CHAT: variants seen among roughly 807,000 people sequenced by gnomAD.
CHAT encodes acetyl CoA:choline O-acetyltransferase.
A neutral mutation model predicts 76.9 loss-of-function variants in CHAT; 61 were observed. That is an observed-to-expected ratio of 0.79 (90% CI 0.65 to 0.98). The LOEUF is 0.98. Ranked by LOEUF, CHAT falls within the 50% of genes least tolerant of loss-of-function variation. CHAT has a pLI of 0.00. For synonymous variants in CHAT, 407 were observed against 397.4 expected, an observed-to-expected ratio of 1.02 and a Z score of -0.29; for missense variants, 946 against 986.9, an observed-to-expected ratio of 0.96 and a Z score of 0.56.
chr10:49,663,097 G>A (rs1156382882), intron 14 of CHAT, among the ~76,000 whole-genome samples: 1 of 152,110 alleles, frequency 6.6e-6, no homozygotes, highest in Non-Finnish European at 1.5e-5. Context: ...GGGCATGGTG[G>A]TGCGTGCCTG....
At chr10:49,624,842 G>T (rs1838859365) in intron 5 of CHAT, among the ~76,000 whole-genome samples, 1 of 151,970 alleles carries the variant, frequency 6.6e-6, no homozygotes, top group Non-Finnish European at 1.5e-5. Flanking sequence ...GGATGGATGG[G>T]TGGATGCAAG....
intron 1 of CHAT, among the ~76,000 whole-genome samples, chr10:49,615,213 G>C (rs1386470792): frequency 6.6e-6 from 1 of 152,180 alleles, no homozygotes; most frequent in Non-Finnish European, 1.5e-5. Context: ...TGCATGGTCT[G>C]TAGGGCCTTT....
At position 49,622,202 on chromosome 10, in the gene CHAT, A is replaced by G. The variant is rs769333829; in HGVS notation, c.752+52A>G. The G allele has an allele frequency of 1.1e-5, 18 of 1,574,684 alleles. 1 individual carries two copies. The Middle Eastern group carries it at 6.7e-4, about 58-fold the overall frequency. On this transcript the variant is annotated intron_variant, in intron 5 of 14. Transcript: ENST00000337653. ...TCCAGCACAGTCTGCCTATGCGTCT[A>G]TCTCCCTTGCAGGGACCTTGTCTTT...
chr10:49,647,740 TTTCCTTCC>T (rs146751288), intron 8 of CHAT, among the ~76,000 whole-genome samples: 5,328 of 140,236 alleles, frequency 0.038, 250 homozygotes, highest in Admixed American at 0.079. Context: ...AAGACACCGC[TTTCCTTCC>T]TTCCTTCCTT....
Position 49,614,393 on chromosome 10 carries a change from AC to A in CHAT, c.208del (p.Leu70PhefsTer130), listed in dbSNP as rs1838400244. ...ACCCCCGCGCTGCGACACGCCCCCC[AC>A]CCCTTCCGGCTCACACCCCCGCCCA... ...PHPRAATRPP[P>X]LPAHTPAHTP... On this transcript the variant is annotated frameshift_variant, in exon 1 of 15. Transcript: ENST00000337653. LOFTEE classifies it high-confidence loss of function. 3 of 1,524,550 alleles carry A rather than the reference AC, an allele frequency of 2.0e-6. No homozygotes were observed. Among genetic ancestry groups the A allele is most frequent in the Non-Finnish European group, 2.7e-6 (3 of 1,126,494 alleles). 94.4% of individuals were successfully genotyped at this position (1,524,550 alleles called of 1,614,324 possible).
At chr10:49,611,182 C>T (rs201839613), upstream of CHAT, 112 of 1,614,056 alleles carry the variant, frequency 6.9e-5, 1 homozygote, top group Admixed American at 6.7e-4. Context: ...CTTCATCGAC[C>T]GCATGAGCTA....
intron 7 of CHAT, among the ~76,000 whole-genome samples, chr10:49,631,932 G>A (rs1839136567): frequency 6.6e-6 from 1 of 150,736 alleles, no homozygotes; most frequent in South Asian, 2.1e-4. Context: ...GAAGATATTG[G>A]CGCAGCACAG....
chr10:49,625,385 A>G lies in CHAT; in HGVS notation c.753-88A>G, dbSNP rs572025131. The stretch of plus-strand genomic sequence containing the variant: ...TGGGTTCTGTGCCCCATTTTGCCTG[A>G]TCAAGTTACAATAAAACCCATTCTC... On this transcript the variant is annotated intron_variant, in intron 5 of 14. Coordinates refer to ENST00000337653, the MANE Select transcript of CHAT (RefSeq NM_020549.5). 116 of 1,293,966 alleles carry G rather than the reference A, an allele frequency of 9.0e-5. No individual in the cohort carries two copies. In the South Asian group the frequency reaches 1.4e-3, roughly 16 times the overall value. The allele number at this position is 1,293,966 out of a possible 1,614,324, so 80.2% of individuals were successfully genotyped here.
intron 7 of CHAT, among the ~76,000 whole-genome samples, chr10:49,645,458 T>G (rs10400098): frequency 0.019 from 2,876 of 152,334 alleles, 98 homozygotes; most frequent in African/African-American, 0.064. Flanking sequence ...AGAGGCAGGC[T>G]GTGTACCCCC....
chr10:49,648,815 A>T (rs1839773088), intron 9 of CHAT, among the ~76,000 whole-genome samples: 1 of 152,114 alleles, frequency 6.6e-6, no homozygotes, highest in East Asian at 1.9e-4. Flanking sequence ...GGCCATGGAT[A>T]GGAGGCAGCA....
rs1162590774 is a variant in CHAT, at chr10:49,664,957, G to C, written c.2158G>C (p.Asp720His). The change falls in exon 15 of 15, where the codon GAC becomes CAC. Residue 720 changes from aspartate (D) to histidine (H), a missense_variant. Asp to His is a moderately conservative substitution (Grantham distance 81). Transcript: ENST00000337653. ...AVEESLIDMR[D>H]LCSLLPPTES... is the part of the protein sequence containing the mutation. ...GGAAGAAAGCCTCATTGACATGAGA[G>C]ACCTCTGCAGTCTGCTGCCGCCTAC... 6.2e-7 allele frequency: 1 copy of C among 1,614,226 alleles called. No homozygotes were observed. Among genetic ancestry groups the C allele is most frequent in the Non-Finnish European group, 8.5e-7 (1 of 1,180,050 alleles).
At position 49,667,029 on chromosome 10, in the gene CHAT, C is replaced by T. The variant is rs1360468909; in HGVS notation, c.*1983C>T. On this transcript the variant is annotated 3_prime_UTR_variant, in exon 15 of 15. Transcript: ENST00000337653. Reference sequence around the variant, plus strand: ...CAACCTCGGCCAAATGACATGCATGCCCAGAGACGCAGTTCCTTCCACTGT... The same window carrying T: ...CAACCTCGGCCAAATGACATGCATGTCCAGAGACGCAGTTCCTTCCACTGT... Among the ~76,000 whole-genome samples, 1 of 152,196 alleles carries T rather than the reference C, an allele frequency of 6.6e-6. No individual in the cohort carries two copies. The highest frequency in any genetic ancestry group is 1.5e-5 in the Non-Finnish European group (1 of 68,026).
chr10:49,649,866 ATTTTTTTT>A (rs59979541), intron 10 of CHAT, among the ~76,000 whole-genome samples: 1 of 117,816 alleles, frequency 8.5e-6, no homozygotes, highest in Non-Finnish European at 1.6e-5. Context: ...ACGCAGGGCT[ATTTTTTTT>A]TTTTTTTTTT....
At chr10:49,616,045 C>T (rs1000104212) in intron 1 of CHAT, 1 of 1,613,956 alleles carries the variant, frequency 6.2e-7, no homozygotes. Flanking sequence ...CCCTACTCCA[C>T]ACCAGAGATG....
At chr10:49,611,542 G>A (rs1838296766), upstream of CHAT, 4 of 1,603,246 alleles carry the variant, frequency 2.5e-6, no homozygotes, top group Non-Finnish European at 3.4e-6. Context: ...ACCCTTCTCG[G>A]CGGCTGCACG....
chr10:49,655,830 G>C (rs1840018065), intron 13 of CHAT, among the ~76,000 whole-genome samples: 1 of 152,182 alleles, frequency 6.6e-6, no homozygotes, highest in Non-Finnish European at 1.5e-5. Flanking sequence ...AGGCAAAACA[G>C]TATCTGTTCC....
At chr10:49,641,186 A>G (rs765803065) in intron 7 of CHAT, among the ~76,000 whole-genome samples, 16 of 152,162 alleles carry the variant, frequency 1.1e-4, no homozygotes, top group Admixed American at 7.9e-4. Flanking sequence ...GACCTTATTT[A>G]ACTTTATCTC....
At chr10:49,610,849 G>A (rs1228001076), upstream of CHAT, 1 of 1,612,176 alleles carries the variant, frequency 6.2e-7, no homozygotes, top group Admixed American at 1.7e-5. Flanking sequence ...CCTGGTGCTT[G>A]TTATCGTGTG....
intron 7 of CHAT, among the ~76,000 whole-genome samples, chr10:49,634,278 T>C (rs894986896): frequency 2.6e-5 from 4 of 152,224 alleles, no homozygotes; most frequent in African/African-American, 9.6e-5. Flanking sequence ...AAGATAGCAG[T>C]CTGCCCTGTG....
Sources: gnomAD v4.1 joint callset for allele counts (sites outside exome capture counted in the v4.1 genomes callset) on GRCh38, gnomAD v4.1.1 for gene constraint, MANE v1.5 for transcripts, NCBI Gene and HGNC (gene_info 2026-07-23, HGNC 2026-07-21) for gene names.